The following SCHIP1 variants were observed in gnomAD, a reference collection of about 807,000 sequenced individuals.
The protein encoded by SCHIP1 is schwannomin-interacting protein 1.
A neutral mutation model predicts 29.7 loss-of-function variants in SCHIP1; 8 were observed. The observed-to-expected ratio is 0.27, with a 90% CI of 0.16 to 0.49. SCHIP1 has a LOEUF of 0.49. Among genes scored for constraint, SCHIP1 ranks in the 20% least tolerant of loss-of-function variants. The probability of loss-of-function intolerance (pLI) is 0.99; values close to 1 mark genes in which losing one functional copy is unlikely to be tolerated. For synonymous variants in SCHIP1, 76 were observed against 94.9 expected, an observed-to-expected ratio of 0.80 and a Z score of 1.16; for missense variants, 193 against 294.6, an observed-to-expected ratio of 0.66 and a Z score of 2.52.
the SCHIP1 span, among the ~76,000 whole-genome samples, chr3:159,359,684 G>A: frequency 3.0e-4 from 45 of 152,334 alleles, no homozygotes; most frequent in South Asian, 4.6e-3. Context: ...GTAAAGTGGG[G>A]ATAGTAAAAG....
At chr3:159,796,323 G>T in the SCHIP1 span, among the ~76,000 whole-genome samples, 2 of 152,062 alleles carry the variant, frequency 1.3e-5, no homozygotes, top group South Asian at 4.2e-4. Context: ...AAAGCACGTT[G>T]AATCATCAGA....
At chr3:159,478,005 C>T in the SCHIP1 span, among the ~76,000 whole-genome samples, 6 of 150,620 alleles carry the variant, frequency 4.0e-5, no homozygotes, top group East Asian at 1.2e-3. Flanking sequence ...TCACTGCAAC[C>T]TCCATCTCCT....
At chr3:159,780,149 G>C in the SCHIP1 span, among the ~76,000 whole-genome samples, 3 of 152,174 alleles carry the variant, frequency 2.0e-5, no homozygotes, top group African/African-American at 7.2e-5. Flanking sequence ...CCCTGGCTCT[G>C]CTGCAGGTAG....
the SCHIP1 span, among the ~76,000 whole-genome samples, chr3:159,790,254 C>T: frequency 6.6e-6 from 1 of 152,210 alleles, no homozygotes; most frequent in Non-Finnish European, 1.5e-5. Context: ...TTACCTTTTA[C>T]AGAAACTTTT....
At chr3:159,787,595 C>A in the SCHIP1 span, among the ~76,000 whole-genome samples, 1 of 152,182 alleles carries the variant, frequency 6.6e-6, no homozygotes, top group Non-Finnish European at 1.5e-5. Context: ...AGTAAATATT[C>A]TTTGGTTAAC....
At chr3:159,402,453 A>G in the SCHIP1 span, among the ~76,000 whole-genome samples, 3 of 152,230 alleles carry the variant, frequency 2.0e-5, no homozygotes, top group African/African-American at 7.2e-5. Flanking sequence ...AGGATTATAA[A>G]TCATGCTGCT....
At chr3:159,725,271 CTT>C in the SCHIP1 span, among the ~76,000 whole-genome samples, 1,583 of 136,924 alleles carry the variant, frequency 0.012, 29 homozygotes, top group African/African-American at 0.039. Flanking sequence ...TTTCTTTTTT[CTT>C]TTTTTTTTTT....
chr3:159,274,344 T>C, the SCHIP1 span: 1 of 979,710 alleles, frequency 1.0e-6, no homozygotes, highest in Non-Finnish European at 1.2e-6. Flanking sequence ...AGAACAAATG[T>C]CTAGGTATTC....
the SCHIP1 span, among the ~76,000 whole-genome samples, chr3:159,729,984 T>C: frequency 6.6e-6 from 1 of 152,214 alleles, no homozygotes; most frequent in Non-Finnish European, 1.5e-5. Flanking sequence ...CAAGATATGT[T>C]GTTAAATAAA....
chr3:159,771,104 G>A, the SCHIP1 span, among the ~76,000 whole-genome samples: 1 of 152,116 alleles, frequency 6.6e-6, no homozygotes, highest in Non-Finnish European at 1.5e-5. Flanking sequence ...TATACTATTA[G>A]CTAGTAGCAC....
At chr3:159,527,982 A>G in the SCHIP1 span, among the ~76,000 whole-genome samples, 1 of 152,250 alleles carries the variant, frequency 6.6e-6, no homozygotes, top group Admixed American at 6.5e-5. Flanking sequence ...GAATTTCAAA[A>G]TAATTGTTCA....
chr3:159,423,170 G>A, the SCHIP1 span, among the ~76,000 whole-genome samples: 14 of 152,336 alleles, frequency 9.2e-5, no homozygotes, highest in South Asian at 1.5e-3. Context: ...CTGAGGTACC[G>A]GGTTCATCTC....
the SCHIP1 span, among the ~76,000 whole-genome samples, chr3:159,429,968 A>G: frequency 6.6e-6 from 1 of 152,224 alleles, no homozygotes; most frequent in Non-Finnish European, 1.5e-5. Flanking sequence ...TAAGAGGGAA[A>G]AATTGCTAAA....
chr3:159,514,872 C>A, the SCHIP1 span, among the ~76,000 whole-genome samples: 16 of 152,096 alleles, frequency 1.1e-4, no homozygotes, highest in Admixed American at 4.6e-4. Flanking sequence ...CACTCTTACC[C>A]CAAAACTGCT....
At chr3:159,529,671 A>G in the SCHIP1 span, among the ~76,000 whole-genome samples, 5 of 152,154 alleles carry the variant, frequency 3.3e-5, no homozygotes, top group South Asian at 2.1e-4. Flanking sequence ...ATTGTTAACT[A>G]TAGTCACTCT....
the SCHIP1 span, among the ~76,000 whole-genome samples, chr3:159,735,613 C>T: frequency 6.6e-6 from 1 of 152,178 alleles, no homozygotes; most frequent in African/African-American, 2.4e-5. Flanking sequence ...TCAGCACTTT[C>T]ATTGTTTAGG....
the SCHIP1 span, among the ~76,000 whole-genome samples, chr3:159,281,615 A>G: frequency 6.6e-6 from 1 of 152,174 alleles, no homozygotes; most frequent in South Asian, 2.1e-4. Context: ...AGCAAAGTAC[A>G]GTGATCACTA....
chr3:159,299,723 T>C, the SCHIP1 span, among the ~76,000 whole-genome samples: 3 of 152,150 alleles, frequency 2.0e-5, no homozygotes, highest in Non-Finnish European at 2.9e-5. Context: ...TCCCACACTG[T>C]CTGCAGGCCA....
the SCHIP1 span, among the ~76,000 whole-genome samples, chr3:159,465,120 C>CTT: frequency 6.6e-5 from 10 of 152,106 alleles, no homozygotes; most frequent in Non-Finnish European, 1.3e-4. Context: ...AGTAGTTCTT[C>CTT]TAAGAAGTGC....
Sources: gnomAD v4.1 joint callset for allele counts (sites outside exome capture counted in the v4.1 genomes callset) on GRCh38, gnomAD v4.1.1 for gene constraint, MANE v1.5 for transcripts, NCBI Gene and HGNC (gene_info 2026-07-23, HGNC 2026-07-21) for gene names.